TNFAIP8: variants seen among roughly 807,000 people sequenced by gnomAD.
TNFAIP8 encodes the protein tumor necrosis factor alpha-induced protein 8.
Under a neutral mutation model 13.3 loss-of-function variants are expected in TNFAIP8, and 7 were observed. The ratio of observed to expected loss-of-function variants is 0.52; its 90% CI spans 0.30 to 0.99. The LOEUF is 0.99. TNFAIP8 is among the 50% of genes least tolerant of loss of function. The pLI is 0.07. For missense variants in TNFAIP8, 258 were observed against 236.9 expected, an observed-to-expected ratio of 1.09 and a Z score of -0.58; for synonymous variants, 94 against 87.6, an observed-to-expected ratio of 1.07 and a Z score of -0.41.
intron 1 of TNFAIP8, among the ~76,000 whole-genome samples, chr5:119,295,398 A>C (rs897345860): frequency 1.3e-5 from 2 of 151,692 alleles, no homozygotes; most frequent in Non-Finnish European, 2.9e-5. Flanking sequence ...TCCTTTCCCC[A>C]TTGCTTGTTT....
Position 119,395,798 on chromosome 5 carries a change from C to A in TNFAIP8, c.*2417C>A, listed in dbSNP as rs907425202. On this transcript the variant is annotated 3_prime_UTR_variant, in exon 2 of 2. Transcript: ENST00000504771. ...GCGTGGGAGCTGGGAAGAATCCCCA[C>A]GTGCTTAGGGTAGATAAATCTGAGC... The A allele has an allele frequency of 6.6e-6, 1 of 152,134 alleles. No individual in the cohort carries two copies. Among genetic ancestry groups the A allele is most frequent in the Non-Finnish European group, 1.5e-5 (1 of 68,018 alleles). 9.4% of individuals were successfully genotyped at this position (152,134 alleles called of 1,614,324 possible).
chr5:119,330,599 C>T (rs971047724), intron 1 of TNFAIP8, among the ~76,000 whole-genome samples: 2 of 152,140 alleles, frequency 1.3e-5, no homozygotes, highest in Non-Finnish European at 2.9e-5. Flanking sequence ...AACCTCTCTG[C>T]TCTGACACTC....
chr5:119,293,499 T>G (rs892666829), intron 1 of TNFAIP8, among the ~76,000 whole-genome samples: 1 of 152,242 alleles, frequency 6.6e-6, no homozygotes, highest in African/African-American at 2.4e-5. Flanking sequence ...TCCAGGTTCA[T>G]CCATGTTGTC....
upstream of TNFAIP8, among the ~76,000 whole-genome samples, chr5:119,351,805 T>TTTTTTTTTTTG (rs1751171759): frequency 6.7e-6 from 1 of 150,222 alleles, no homozygotes; most frequent in African/African-American, 2.5e-5. Context: ...TCTTTTTTTT[T>TTTTTTTTTTTG]TTGAGATGGT....
chr5:119,382,132 C>T (rs1028956165), intron 1 of TNFAIP8, among the ~76,000 whole-genome samples: 12 of 152,118 alleles, frequency 7.9e-5, no homozygotes, highest in Admixed American at 2.6e-4. Context: ...CTCTGAAATA[C>T]AATCATATTT....
chr5:119,285,853 T>C (rs552459712), intron 1 of TNFAIP8, among the ~76,000 whole-genome samples: 1 of 151,736 alleles, frequency 6.6e-6, no homozygotes, highest in Non-Finnish European at 1.5e-5. Flanking sequence ...TAGAACAAGG[T>C]TGGTCTCTAT....
chr5:119,272,852 A>T (rs540509242), intron 1 of TNFAIP8, among the ~76,000 whole-genome samples: 1 of 152,318 alleles, frequency 6.6e-6, no homozygotes, highest in South Asian at 2.1e-4. Flanking sequence ...AAAAACCAAC[A>T]TGGTGATGTT....
intron 1 of TNFAIP8, among the ~76,000 whole-genome samples, chr5:119,346,264 G>C (rs1054038499): frequency 1.2e-4 from 19 of 152,186 alleles, no homozygotes; most frequent in Non-Finnish European, 2.6e-4. Flanking sequence ...GCTGGAGGCT[G>C]GGAGGTGCTG....
intron 1 of TNFAIP8, among the ~76,000 whole-genome samples, chr5:119,283,605 C>A (rs1205398447): frequency 2.6e-5 from 4 of 152,206 alleles, no homozygotes; most frequent in Admixed American, 2.0e-4. Context: ...GTAAGAGAGT[C>A]GGTGATATGG....
At chr5:119,288,433 T>G (rs1748869483) in intron 1 of TNFAIP8, among the ~76,000 whole-genome samples, 1 of 152,184 alleles carries the variant, frequency 6.6e-6, no homozygotes, top group Non-Finnish European at 1.5e-5. Context: ...AGCAAAAACA[T>G]TAACAAATGA....
intron 1 of TNFAIP8, among the ~76,000 whole-genome samples, chr5:119,282,527 T>A (rs1416655745): frequency 3.3e-5 from 5 of 152,152 alleles, no homozygotes; most frequent in Non-Finnish European, 7.4e-5. Context: ...TCAGACTGTG[T>A]TCTTGTTGTA....
chr5:119,393,557 A>G lies in TNFAIP8; in HGVS notation c.*176A>G, dbSNP rs905210402. ...AGGCTTGTTTTATTTGAAGAAAAGC[A>G]TATTGCCAAAAATTCTGGTTAAAAG... On this transcript the variant is annotated 3_prime_UTR_variant, in exon 2 of 2. Coordinates refer to ENST00000504771, the MANE Select transcript of TNFAIP8 (RefSeq NM_014350.4). The G allele has an allele frequency of 1.4e-6, 1 of 721,154 alleles. No individual in the cohort carries two copies. Among genetic ancestry groups the G allele is most frequent in the South Asian group, 2.0e-5 (1 of 48,970 alleles). The allele number at this position is 721,154 out of a possible 1,614,324, so 44.7% of individuals were successfully genotyped here.
chr5:119,369,115 G>A (rs1010545785), intron 1 of TNFAIP8, among the ~76,000 whole-genome samples: 1 of 147,804 alleles, frequency 6.8e-6, no homozygotes, highest in Admixed American at 6.7e-5. Context: ...GTACAGTGGT[G>A]CAATCTTGGT....
At chr5:119,305,686 G>A (rs956295291) in intron 1 of TNFAIP8, among the ~76,000 whole-genome samples, 4 of 152,108 alleles carry the variant, frequency 2.6e-5, no homozygotes, top group Admixed American at 2.6e-4. Flanking sequence ...CTTTATAAAG[G>A]TTATCTAAAT....
At chr5:119,288,938 A>G (rs976281347) in intron 1 of TNFAIP8, among the ~76,000 whole-genome samples, 2 of 152,232 alleles carry the variant, frequency 1.3e-5, no homozygotes, top group African/African-American at 2.4e-5. Flanking sequence ...TAAATTGTCT[A>G]GATTTGTGCT....
At chr5:119,279,992 TC>T (rs1367159728) in intron 1 of TNFAIP8, among the ~76,000 whole-genome samples, 1 of 152,184 alleles carries the variant, frequency 6.6e-6, no homozygotes, top group African/African-American at 2.4e-5. Context: ...TGCAATTTTT[TC>T]CGTCAGTTGG....
At chr5:119,383,453 C>G (rs1183216325) in intron 1 of TNFAIP8, among the ~76,000 whole-genome samples, 2 of 152,214 alleles carry the variant, frequency 1.3e-5, no homozygotes, top group African/African-American at 4.8e-5. Flanking sequence ...TCATCACTTA[C>G]TGAAGGATCC....
chr5:119,310,265 C>T (rs1461852505), intron 1 of TNFAIP8, among the ~76,000 whole-genome samples: 1 of 151,978 alleles, frequency 6.6e-6, no homozygotes, highest in East Asian at 1.9e-4. Flanking sequence ...CTGGTAGACA[C>T]TGGGCTGAGG....
chr5:119,339,030 A>G (rs1750649304), intron 1 of TNFAIP8, among the ~76,000 whole-genome samples: 1 of 150,750 alleles, frequency 6.6e-6, no homozygotes, highest in South Asian at 2.1e-4. Flanking sequence ...CTGGAAATAG[A>G]GCAAGACTTT....
Sources: allele counts gnomAD v4.1 joint callset (sites outside exome capture counted in the v4.1 genomes callset), GRCh38; gene constraint gnomAD v4.1.1; transcripts MANE v1.5; gene names NCBI Gene and HGNC (gene_info 2026-07-23, HGNC 2026-07-21).